ASB2: variants seen among roughly 807,000 people sequenced by gnomAD.
The protein encoded by ASB2 is ankyrin repeat and SOCS box protein 2.
ASB2 carries 58 observed loss-of-function variants against 62.4 expected under a neutral mutation model. That is an observed-to-expected ratio of 0.93 (90% CI 0.75 to 1.16). ASB2 has a LOEUF of 1.16. Ranked by LOEUF, ASB2 falls within the 50% of genes most tolerant of loss-of-function variation. The pLI, the probability that ASB2 is intolerant of heterozygous loss-of-function variation, is 0.00. For missense variants in ASB2, 928 were observed against 887.9 expected, an observed-to-expected ratio of 1.05 and a Z score of -0.57; for synonymous variants, 386 against 385.3, an observed-to-expected ratio of 1.00 and a Z score of -0.02.
intron 1 of ASB2, among the ~76,000 whole-genome samples, chr14:93,976,168 T>G (rs1889907075): frequency 6.6e-6 from 1 of 152,236 alleles, no homozygotes; most frequent in African/African-American, 2.4e-5. Context: ...CATTTCCATT[T>G]TTAGAAGTGC....
intron 7 of ASB2, among the ~76,000 whole-genome samples, chr14:93,945,224 C>T (rs114877269): frequency 0.021 from 3,158 of 152,300 alleles, 47 homozygotes; most frequent in Middle Eastern, 0.048. Context: ...CCAAAGTGCA[C>T]CCACTTCCCG....
At chr14:93,943,740 G>A (rs1474934796) in intron 7 of ASB2, 1 of 326,540 alleles carries the variant, frequency 3.1e-6, no homozygotes, top group Non-Finnish European at 6.0e-6. Flanking sequence ...GCTTCACTGT[G>A]CCACCCTGAC....
chr14:93,948,640 A>G (rs1417694904), intron 6 of ASB2, among the ~76,000 whole-genome samples: 1 of 151,294 alleles, frequency 6.6e-6, no homozygotes, highest in Non-Finnish European at 1.5e-5. Flanking sequence ...TCTCCTCCCA[A>G]GAAAATACTA....
chr14:93,939,048 C>T (rs1888390350), intron 8 of ASB2, 60 bp downstream of exon 8: 4 of 1,363,580 alleles, frequency 2.9e-6, no homozygotes, highest in Non-Finnish European at 3.8e-6. Context: ...CCCATGCGCG[C>T]GCGCGTCCCT....
rs142580166 is a variant in ASB2, at chr14:93,951,729, T to C, written c.635-485A>G. 3.0e-3 allele frequency among the ~76,000 whole-genome samples: 461 copies of C among 152,318 alleles called. 2 individuals are homozygous for C. The highest frequency in any genetic ancestry group is 9.9e-3 in the African/African-American group (413 of 41,588). On this transcript the variant is annotated intron_variant, in intron 5 of 9. Coordinates refer to ENST00000555019, the MANE Select transcript of ASB2 (RefSeq NM_001202429.2). ...CATTTCCCCTTCCAGTGGTACCTGC[T>C]TCAGTCCTCCACATTACCAAGGCTG...
intron 3 of ASB2, among the ~76,000 whole-genome samples, chr14:93,954,731 T>C (rs1201786233): frequency 6.6e-6 from 1 of 152,224 alleles, no homozygotes; most frequent in Non-Finnish European, 1.5e-5. Flanking sequence ...AGGCACACAA[T>C]GCCAGCCTCC....
chr14:93,956,853 T>C lies in ASB2; in HGVS notation c.224A>G (p.Glu75Gly). 1 of 1,614,062 alleles carries C rather than the reference T, an allele frequency of 6.2e-7. No individual in the cohort carries two copies. The highest frequency in any genetic ancestry group is 8.5e-7 in the Non-Finnish European group (1 of 1,180,002). The change falls in exon 3 of 10, where the codon GAG (glutamate) becomes GGG (glycine). Residue 75 changes from glutamate to glycine, a missense_variant. Coordinates refer to ENST00000555019, the MANE Select transcript of ASB2 (RefSeq NM_001202429.2). ...CATTGGGGCCCGGGCCGGCGAACTC[T>C]CAGGAGGTGCAGTGGACCTGGAGGG... is the stretch of plus-strand genomic sequence containing the variant. ...YPWTRSTAPP[E>G]SSPARAPMGL...
At chr14:93,965,940 C>T (rs750888572) in intron 1 of ASB2, among the ~76,000 whole-genome samples, 3 of 152,360 alleles carry the variant, frequency 2.0e-5, no homozygotes, top group Non-Finnish European at 4.4e-5. Context: ...AGAACACACC[C>T]GGGCACCTGA....
In ASB2 at chr14:93,947,390, G is replaced by GA. The variant is rs1161327965; in HGVS notation, c.1010_1011insT (p.Leu339AlafsTer30). ...TGGAGGCGATGTGCAGCGGGAGCAA[G>GA]CCGTCCTTGTTGGTCTTGTTGGCGT... On this transcript the variant is annotated frameshift_variant, in exon 7 of 10. Transcript: ENST00000555019. LOFTEE classifies it high-confidence loss of function. 6.2e-7 allele frequency: 1 copy of GA among 1,614,106 alleles called. No individual in the cohort carries two copies. Among genetic ancestry groups the GA allele is most frequent in the Non-Finnish European group, 8.5e-7 (1 of 1,180,054 alleles).
chr14:93,941,831 G>A (rs1888537065), intron 7 of ASB2: 3 of 389,098 alleles, frequency 7.7e-6, no homozygotes, highest in African/African-American at 4.2e-5. Context: ...CAGTTATGTG[G>A]TGAATCATCT....
chr14:93,971,233 G>T (rs192203170), intron 1 of ASB2, among the ~76,000 whole-genome samples: 1 of 152,220 alleles, frequency 6.6e-6, no homozygotes, highest in Non-Finnish European at 1.5e-5. Context: ...AGAGCCTGCC[G>T]GGTGGTCCCA....
rs764813073 is a variant in ASB2 at position 93,956,874 on chromosome 14, G to C, written c.207-4C>G. On this transcript the variant is annotated splice_polypyrimidine_tract_variant and splice_region_variant and intron_variant, in intron 2 of 9. Coordinates refer to ENST00000555019, the MANE Select transcript of ASB2 (RefSeq NM_001202429.2). Reference sequence around the variant, plus strand: ...ACTCTCAGGAGGTGCAGTGGACCTGGAGGGTGCAGAGCAGGAGTGAAAGAG... The same window carrying C: ...ACTCTCAGGAGGTGCAGTGGACCTGCAGGGTGCAGAGCAGGAGTGAAAGAG... The C allele has an allele frequency of 6.2e-7, 1 of 1,614,226 alleles. No homozygotes were observed. The highest frequency in any genetic ancestry group is 8.5e-7 in the Non-Finnish European group (1 of 1,180,036).
rs547548321 is a variant in ASB2 at position 93,945,494 on chromosome 14, G to A, written c.1052+1855C>T. Among the ~76,000 whole-genome samples, 28 of 152,284 alleles carry A rather than the reference G, an allele frequency of 1.8e-4. No homozygotes were observed. In the Middle Eastern group the frequency reaches 0.014, roughly 74 times the overall value. ...GCTTTTTTCCATTCTATATCCGTAC[G>A]TATCCATTTTACTGGTCCTCCGACA... On this transcript the variant is annotated intron_variant, in intron 7 of 9. Coordinates refer to ENST00000555019, the MANE Select transcript of ASB2 (RefSeq NM_001202429.2).
chr14:93,975,373 A>T (rs1020740140), intron 1 of ASB2, among the ~76,000 whole-genome samples: 1 of 151,962 alleles, frequency 6.6e-6, no homozygotes, highest in African/African-American at 2.4e-5. Flanking sequence ...GCCAAATCTC[A>T]CATCCTCCAA....
chr14:93,968,250 G>A (rs574088069), intron 1 of ASB2: 2 of 152,334 alleles, frequency 1.3e-5, no homozygotes, highest in African/African-American at 4.8e-5. Flanking sequence ...ACCACTCAGA[G>A]ACTTTACATT....
At position 93,975,940 on chromosome 14, in the gene ASB2, C is replaced by T. The variant is rs540564043; in HGVS notation, c.-74+494G>A. ...TCCATTTCCTCTCCTAATCCCCAAA[C>T]AGTTGAAAGCAGAGCACATGGCACC... On this transcript the variant is annotated intron_variant, in intron 1 of 9. Transcript: ENST00000555019. 1.8e-4 allele frequency among the ~76,000 whole-genome samples: 28 copies of T among 152,370 alleles called. No individual in the cohort carries two copies. The South Asian group carries it at 5.2e-3, about 28-fold the overall frequency.
At chr14:93,936,590 T>G (rs2236239) in intron 9 of ASB2, among the ~76,000 whole-genome samples, 1 of 152,128 alleles carries the variant, frequency 6.6e-6, no homozygotes, top group Non-Finnish European at 1.5e-5. Flanking sequence ...AGAAACTTTA[T>G]CAAAGGCTTC....
chr14:93,947,357 G>A lies in ASB2; in HGVS notation c.1044C>T (p.Gly348=), dbSNP rs374436434. 1.2e-6 allele frequency: 2 copies of A among 1,613,980 alleles called. No individual in the cohort carries two copies. Among genetic ancestry groups the A allele is most frequent in the African/African-American group, 1.3e-5 (1 of 74,942 alleles). Residue 348 remains glycine (G), a synonymous_variant, in exon 7 of 10, where the codon GGC becomes GGT. Transcript: ENST00000555019. ...GCGGAGCCTGGGCTGACCTGTAGTT[G>A]CCCTTCTTGGAGGCGATGTGCAGCG... is the stretch of plus-strand genomic sequence containing the variant. ...LLPLHIASKK[G]NYRIVQMLLP...
In ASB2 at chr14:93,950,967, A is replaced by G. The variant is rs369451828; in HGVS notation, c.880+32T>C. 36 of 1,592,642 alleles carry G rather than the reference A, an allele frequency of 2.3e-5. No homozygotes were observed. In the African/African-American group the frequency reaches 3.9e-4, roughly 17 times the overall value. On this transcript the variant is annotated intron_variant, in intron 6 of 9. Transcript: ENST00000555019. Reference sequence around the variant, plus strand: ...CATCCTTCCCGTGTGCCCTTTGGGGACTCCATGACCTAGGGACCCTTAGCC... The same window carrying G: ...CATCCTTCCCGTGTGCCCTTTGGGGGCTCCATGACCTAGGGACCCTTAGCC...
Sources: gnomAD v4.1 joint callset for allele counts (sites outside exome capture counted in the v4.1 genomes callset) on GRCh38, gnomAD v4.1.1 for gene constraint, MANE v1.5 for transcripts, NCBI Gene and HGNC (gene_info 2026-07-23, HGNC 2026-07-21) for gene names.